The following FBXL7 variants were observed in gnomAD, a reference collection of about 807,000 sequenced individuals.
FBXL7 encodes the protein F-box/LRR-repeat protein 7.
A neutral mutation model predicts 38.3 loss-of-function variants in FBXL7; 12 were observed. The ratio of observed to expected loss-of-function variants is 0.31; its 90% confidence interval spans 0.20 to 0.51. FBXL7 has a LOEUF of 0.51. Among genes scored for constraint, FBXL7 ranks in the 20% least tolerant of loss-of-function variants. The pLI is 0.98. For missense variants in FBXL7, 567 were observed against 676.4 expected, an observed-to-expected ratio of 0.84 and a Z score of 1.79; for synonymous variants, 297 against 300.9, an observed-to-expected ratio of 0.99 and a Z score of 0.13.
chr5:15,895,086 C>G (rs1741051416), intron 2 of FBXL7, among the ~76,000 whole-genome samples: 1 of 152,110 alleles, frequency 6.6e-6, no homozygotes, highest in African/African-American at 2.4e-5. Flanking sequence ...TCTAAAATAC[C>G]TTTGTCCTAT....
chr5:15,709,852 A>G (rs921314761), intron 2 of FBXL7, among the ~76,000 whole-genome samples: 1 of 152,164 alleles, frequency 6.6e-6, no homozygotes, highest in Non-Finnish European at 1.5e-5. Context: ...GTCTTCAGAT[A>G]GTGGAAAAGT....
chr5:15,891,167 G>A (rs1421908050), intron 2 of FBXL7, among the ~76,000 whole-genome samples: 3 of 152,132 alleles, frequency 2.0e-5, no homozygotes, highest in Non-Finnish European at 4.4e-5. Context: ...TTCATCACTT[G>A]CTAATTCTAC....
At chr5:15,725,154 T>A (rs569981768) in intron 2 of FBXL7, among the ~76,000 whole-genome samples, 1 of 152,336 alleles carries the variant, frequency 6.6e-6, no homozygotes, top group East Asian at 1.9e-4. Context: ...TAATCTTTAT[T>A]ATTTTCTTCT....
chr5:15,532,125 A>G (rs550518919), intron 1 of FBXL7, among the ~76,000 whole-genome samples: 11 of 152,310 alleles, frequency 7.2e-5, no homozygotes, highest in Admixed American at 7.2e-4. Context: ...ATGAAATGAA[A>G]CCATGTGTGC....
intron 2 of FBXL7, among the ~76,000 whole-genome samples, chr5:15,686,475 A>G (rs771936802): frequency 2.0e-5 from 3 of 151,862 alleles, no homozygotes; most frequent in Non-Finnish European, 4.4e-5. Flanking sequence ...TATCTGAATC[A>G]CCCCATCTTG....
intron 2 of FBXL7, among the ~76,000 whole-genome samples, chr5:15,840,306 A>G (rs1206456758): frequency 6.6e-6 from 1 of 152,160 alleles, no homozygotes; most frequent in Admixed American, 6.5e-5. Context: ...ACACAGTCTT[A>G]TTTACTCAAA....
intron 2 of FBXL7, among the ~76,000 whole-genome samples, chr5:15,731,880 G>A (rs2126664016): frequency 6.6e-6 from 1 of 152,246 alleles, no homozygotes; most frequent in Middle Eastern, 3.4e-3. Context: ...TGGTTCCTTG[G>A]ACTACATGGA....
At chr5:15,737,254 T>C (rs1735781483) in intron 2 of FBXL7, among the ~76,000 whole-genome samples, 1 of 152,210 alleles carries the variant, frequency 6.6e-6, no homozygotes, top group Non-Finnish European at 1.5e-5. Context: ...ATGGTTTCCA[T>C]GTGTGCCTCC....
chr5:15,714,176 G>A (rs1056402308), intron 2 of FBXL7, among the ~76,000 whole-genome samples: 2 of 152,178 alleles, frequency 1.3e-5, no homozygotes, highest in Non-Finnish European at 2.9e-5. Flanking sequence ...GAGGGGTTTG[G>A]TGGGAGTTGA....
chr5:15,582,801 C>A (rs971044303), intron 1 of FBXL7, among the ~76,000 whole-genome samples: 3 of 152,184 alleles, frequency 2.0e-5, no homozygotes, highest in African/African-American at 7.2e-5. Flanking sequence ...GCCCCCTCAC[C>A]CTACTAATGA....
At chr5:15,515,550 T>C (rs992813333) in intron 1 of FBXL7, among the ~76,000 whole-genome samples, 2 of 152,222 alleles carry the variant, frequency 1.3e-5, no homozygotes, top group Non-Finnish European at 2.9e-5. Flanking sequence ...GATTGTCTGC[T>C]GTGCTTTGAA....
chr5:15,572,944 C>T (rs1005169334), intron 1 of FBXL7, among the ~76,000 whole-genome samples: 7 of 152,180 alleles, frequency 4.6e-5, no homozygotes, highest in South Asian at 4.1e-4. Flanking sequence ...CCCCTGTAAG[C>T]GTAGAATTTT....
intron 2 of FBXL7, among the ~76,000 whole-genome samples, chr5:15,660,867 C>G (rs1742044122): frequency 6.6e-6 from 1 of 152,194 alleles, no homozygotes; most frequent in African/African-American, 2.4e-5. Flanking sequence ...AGTAATCTAA[C>G]CACGTGGCCC....
At chr5:15,567,822 C>A (rs1160767329) in intron 1 of FBXL7, among the ~76,000 whole-genome samples, 3 of 151,782 alleles carry the variant, frequency 2.0e-5, no homozygotes, top group Non-Finnish European at 2.9e-5. Context: ...GTTCAGTTCC[C>A]ACCTATGAGT....
At chr5:15,815,263 A>G in intron 2 of FBXL7, among the ~76,000 whole-genome samples, 1 of 152,150 alleles carries the variant, frequency 6.6e-6, no homozygotes, top group East Asian at 1.9e-4. Context: ...GGATCCAATG[A>G]GATGCTTCTT....
chr5:15,847,510 CA>C (rs1479967957), intron 2 of FBXL7, among the ~76,000 whole-genome samples: 1 of 152,112 alleles, frequency 6.6e-6, no homozygotes, highest in Non-Finnish European at 1.5e-5. Flanking sequence ...CAAGCCAAAC[CA>C]TATCAGCCCC....
At chr5:15,715,383 C>T (rs758526714) in intron 2 of FBXL7, among the ~76,000 whole-genome samples, 2 of 148,602 alleles carry the variant, frequency 1.3e-5, no homozygotes, top group South Asian at 2.2e-4. Context: ...TCCAGCTACT[C>T]GGGAGGCTGA....
At chr5:15,509,619 CAAA>C (rs1233415771) in intron 1 of FBXL7, among the ~76,000 whole-genome samples, 9 of 151,850 alleles carry the variant, frequency 5.9e-5, no homozygotes, top group Admixed American at 5.9e-4. Context: ...ACAACAACAA[CAAA>C]AAAAAGTGAG....
chr5:15,863,323 T>C (rs1270920569), intron 2 of FBXL7, among the ~76,000 whole-genome samples: 1 of 152,224 alleles, frequency 6.6e-6, no homozygotes, highest in Non-Finnish European at 1.5e-5. Context: ...TTTCTGGTCA[T>C]CATTTTCTTT....
Sources: gnomAD v4.1 joint callset for allele counts (sites outside exome capture counted in the v4.1 genomes callset) on GRCh38, gnomAD v4.1.1 for gene constraint, MANE v1.5 for transcripts, NCBI Gene and HGNC (gene_info 2026-07-23, HGNC 2026-07-21) for gene names.